MGAT5: variants seen among roughly 807,000 people sequenced by gnomAD.
The protein encoded by MGAT5 is alpha-1,6-mannosylglycoprotein 6-beta-N-acetylglucosaminyltransferase A.
In MGAT5, 30 loss-of-function variants were observed where a neutral mutation model predicts 94.3. That is an observed-to-expected ratio of 0.32 (90% CI 0.24 to 0.43). The LOEUF (loss-of-function observed/expected upper bound fraction) is 0.43. Ranked by LOEUF, MGAT5 falls within the 20% of genes least tolerant of loss-of-function variation. MGAT5 has a pLI of 1.00. For missense variants in MGAT5, 691 were observed against 905.5 expected, an observed-to-expected ratio of 0.76 and a Z score of 3.04; for synonymous variants, 310 against 322.9, an observed-to-expected ratio of 0.96 and a Z score of 0.43.
At chr2:134,203,865 CCT>C (rs375006278) in intron 1 of MGAT5, among the ~76,000 whole-genome samples, 87 of 152,310 alleles carry the variant, frequency 5.7e-4, no homozygotes, top group Admixed American at 2.5e-3. Flanking sequence ...TGGCCTCACA[CCT>C]CTCTGGACAT....
chr2:134,251,092 T>C (rs1331606776), upstream of MGAT5, among the ~76,000 whole-genome samples: 1 of 151,880 alleles, frequency 6.6e-6, no homozygotes, highest in African/African-American at 2.4e-5. Flanking sequence ...ACTAAAATAG[T>C]GAAAGAAAAA....
At chr2:134,327,220 A>C (rs111519600) in intron 4 of MGAT5, among the ~76,000 whole-genome samples, 2 of 152,108 alleles carry the variant, frequency 1.3e-5, no homozygotes, top group African/African-American at 4.8e-5. Context: ...CGTTTTGAGC[A>C]CTGATTAACA....
chr2:134,358,638 A>G (rs139631038), intron 9 of MGAT5, among the ~76,000 whole-genome samples: 9 of 152,336 alleles, frequency 5.9e-5, no homozygotes, highest in Non-Finnish European at 7.4e-5. Context: ...GTGAAGATAC[A>G]TTACATTCTT....
At chr2:134,301,301 G>C (rs1686004094) in intron 2 of MGAT5, among the ~76,000 whole-genome samples, 1 of 152,126 alleles carries the variant, frequency 6.6e-6, no homozygotes, top group Middle Eastern at 3.2e-3. Context: ...GTCATTTCCA[G>C]TTGTGAGCTG....
chr2:134,285,638 A>ACC (rs906728089), intron 2 of MGAT5, among the ~76,000 whole-genome samples: 1 of 151,950 alleles, frequency 6.6e-6, no homozygotes, highest in South Asian at 2.1e-4. Context: ...ATTCCTCCTT[A>ACC]CCCCTGACTT....
At chr2:134,414,969 G>T (rs1213091389) in intron 12 of MGAT5, among the ~76,000 whole-genome samples, 1 of 152,080 alleles carries the variant, frequency 6.6e-6, no homozygotes, top group African/African-American at 2.4e-5. Context: ...TCCTTCTTTT[G>T]CAGGCTAAAT....
intron 2 of MGAT5, among the ~76,000 whole-genome samples, chr2:134,300,715 G>A (rs1182508158): frequency 6.6e-6 from 1 of 152,140 alleles, no homozygotes; most frequent in East Asian, 1.9e-4. Flanking sequence ...GGAAGTCACT[G>A]AAGGTGTTAT....
intron 1 of MGAT5, among the ~76,000 whole-genome samples, chr2:134,186,728 G>A (rs981499122): frequency 2.6e-5 from 4 of 152,158 alleles, no homozygotes; most frequent in East Asian, 1.9e-4. Context: ...CTGTATAACC[G>A]AGTCAGTGAT....
intron 2 of MGAT5, among the ~76,000 whole-genome samples, chr2:134,291,604 C>T (rs1041262158): frequency 1.3e-5 from 2 of 152,100 alleles, no homozygotes; most frequent in African/African-American, 4.8e-5. Context: ...GGAGAGAGTC[C>T]AGGACTTGAG....
chr2:134,337,859 G>C (rs1688417395), intron 5 of MGAT5, among the ~76,000 whole-genome samples: 1 of 147,056 alleles, frequency 6.8e-6, no homozygotes, highest in South Asian at 2.1e-4. Flanking sequence ...TTGTCAAACA[G>C]CCTGCTAAGA....
intron 4 of MGAT5, among the ~76,000 whole-genome samples, chr2:134,330,254 C>T (rs1355450147): frequency 6.6e-6 from 1 of 152,054 alleles, no homozygotes; most frequent in Non-Finnish European, 1.5e-5. Flanking sequence ...AACTTGAAAG[C>T]CAAATGGTTT....
intron 11 of MGAT5, 136 bp downstream of exon 11, chr2:134,403,273 A>C: frequency 1.3e-6 from 1 of 789,306 alleles, no homozygotes; most frequent in South Asian, 2.1e-5. Flanking sequence ...TGCTAGACCA[A>C]TGGCAGCTGA....
At chr2:134,380,845 T>G (rs1681494116) in intron 10 of MGAT5, among the ~76,000 whole-genome samples, 1 of 152,172 alleles carries the variant, frequency 6.6e-6, no homozygotes, top group Non-Finnish European at 1.5e-5. Context: ...GACACTGTTG[T>G]AAGGTTTGGT....
At chr2:134,414,637 TC>T (rs1683865843) in intron 12 of MGAT5, among the ~76,000 whole-genome samples, 2 of 152,210 alleles carry the variant, frequency 1.3e-5, no homozygotes, top group South Asian at 4.1e-4. Flanking sequence ...ACTTAAGATC[TC>T]CTTTTTTGGC....
chr2:134,405,598 A>G (rs1683288410), intron 11 of MGAT5, among the ~76,000 whole-genome samples: 1 of 152,220 alleles, frequency 6.6e-6, no homozygotes, highest in African/African-American at 2.4e-5. Context: ...TCTAATCCAC[A>G]TTGGAAATGG....
intron 15 of MGAT5, among the ~76,000 whole-genome samples, chr2:134,442,474 T>C (rs991481983): frequency 8.5e-5 from 13 of 152,280 alleles, no homozygotes; most frequent in African/African-American, 3.1e-4. Context: ...TGCACTTTCT[T>C]CTAGCTCACT....
chr2:134,341,816 C>T (rs1688648935), intron 7 of MGAT5, 57 bp downstream of exon 7: 2 of 1,464,480 alleles, frequency 1.4e-6, no homozygotes, highest in East Asian at 2.3e-5. Flanking sequence ...ATTGTAAACT[C>T]TTAAAGTATT....
intron 14 of MGAT5, 84 bp downstream of exon 14, chr2:134,428,523 C>T (rs895203791): frequency 1.6e-6 from 2 of 1,245,394 alleles, no homozygotes; most frequent in African/African-American, 3.0e-5. Flanking sequence ...TTTAAGAGCT[C>T]ACTGTGTTTC....
intron 1 of MGAT5, among the ~76,000 whole-genome samples, chr2:134,264,423 C>T (rs966917782): frequency 2.6e-5 from 4 of 152,184 alleles, no homozygotes; most frequent in African/African-American, 9.7e-5. Context: ...TGGCTGTAAA[C>T]AGAGATGACA....
Sources: allele counts gnomAD v4.1 joint callset (sites outside exome capture counted in the v4.1 genomes callset), GRCh38; gene constraint gnomAD v4.1.1; transcripts MANE v1.5; gene names NCBI Gene and HGNC (gene_info 2026-07-23, HGNC 2026-07-21).